The following SMAD4 variants were observed in gnomAD, a reference collection of about 807,000 sequenced individuals.
The protein encoded by SMAD4 is MAD homolog 4.
A neutral mutation model predicts 63.2 loss-of-function variants in SMAD4; 7 were observed. The observed-to-expected ratio is 0.11, with a 90% CI of 0.06 to 0.21. SMAD4 has a LOEUF of 0.21. SMAD4 is among the 10% of genes least tolerant of loss of function. SMAD4 has a pLI of 1.00. For synonymous variants in SMAD4, 215 were observed against 235.4 expected (o/e 0.91, Z 0.79); for missense variants, 312 against 693.8 (o/e 0.45, Z 6.18).
At chr18:51,073,208 G>C (rs1274752053) in intron 10 of SMAD4, among the ~76,000 whole-genome samples, 1 of 151,380 alleles carries the variant, frequency 6.6e-6, no homozygotes, top group Non-Finnish European at 1.5e-5. Flanking sequence ...TCCTAATTGC[G>C]ATTATTTACA....
rs375185293 is a variant in SMAD4, at chr18:51,059,871, G to A, written c.910G>A (p.Val304Ile). ...MPPHPGHYWP[V>I]HNELAFQPPI... ...TTTTGTTGTCTTTTCTTTAGGGCCT[G>A]TTCACAATGAGCTTGCATTCCAGCC... is the stretch of plus-strand genomic sequence containing the variant. Residue 304 changes from valine (V) to isoleucine (I), a missense_variant, in exon 8 of 12, where the codon GTT (valine) becomes ATT (isoleucine). By Grantham distance (29) the Val-to-Ile change is conservative (BLOSUM62 3). Coordinates refer to ENST00000342988, the MANE Select transcript of SMAD4 (RefSeq NM_005359.6). The A allele has an allele frequency of 6.2e-7, 1 of 1,612,826 alleles. No homozygotes were observed. Among genetic ancestry groups the A allele is most frequent in the Non-Finnish European group, 8.5e-7 (1 of 1,178,980 alleles).
intron 10 of SMAD4, among the ~76,000 whole-genome samples, chr18:51,075,933 T>A (rs1910459752): frequency 6.6e-6 from 1 of 152,318 alleles, no homozygotes; most frequent in East Asian, 1.9e-4. Flanking sequence ...TTAGCAGGTA[T>A]CGGTGATGGG....
Position 51,081,827 on chromosome 18 carries a change from G to A in SMAD4, c.*3360G>A, listed in dbSNP as rs540445660. ...GGTATCTTTGACTATGGTCATCTGG[G>A]GAAGGAAAATTTTACATTTTACTAT... On this transcript the variant is annotated 3_prime_UTR_variant, in exon 12 of 12. Coordinates refer to ENST00000342988, the MANE Select transcript of SMAD4 (RefSeq NM_005359.6). 1 of 232,338 alleles carries A rather than the reference G, an allele frequency of 4.3e-6. No homozygotes were observed. Among genetic ancestry groups the A allele is most frequent in the South Asian group, 1.8e-4 (1 of 5,514 alleles). The allele number at this position is 232,338 out of a possible 1,614,324, so 14.4% of individuals were successfully genotyped here. A position where few individuals can be genotyped will look rare whatever the true frequency, so the allele number is the denominator to read the frequency against.
At chr18:51,055,697 CT>C (rs1194716586) in intron 5 of SMAD4, among the ~76,000 whole-genome samples, 6 of 149,294 alleles carry the variant, frequency 4.0e-5, no homozygotes, top group South Asian at 2.1e-4. Flanking sequence ...AATGAAGTAG[CT>C]TTTTTTTCAT....
intron 3 of SMAD4, 71 bp from the exon 4 acceptor site, chr18:51,049,224 T>A: frequency 8.6e-7 from 1 of 1,168,996 alleles, no homozygotes; most frequent in South Asian, 1.3e-5. Context: ...TTACATTCTC[T>A]GTTTTTAAAT....
At chr18:51,059,079 G>T (rs907435857) in intron 7 of SMAD4, among the ~76,000 whole-genome samples, 4 of 152,064 alleles carry the variant, frequency 2.6e-5, no homozygotes, top group Non-Finnish European at 5.9e-5. Flanking sequence ...CCTGAATCCT[G>T]CTACTCAAAA....
At chr18:51,039,863 T>A (rs778592911) in intron 1 of SMAD4, among the ~76,000 whole-genome samples, 1 of 152,166 alleles carries the variant, frequency 6.6e-6, no homozygotes, top group Non-Finnish European at 1.5e-5. Flanking sequence ...CATCTCGATT[T>A]GTCCTTTGTC....
At chr18:51,065,695 A>G (rs976933050) in intron 9 of SMAD4, 89 bp downstream of exon 9, 6 of 1,010,484 alleles carry the variant, frequency 5.9e-6, no homozygotes, top group African/African-American at 4.9e-5. Flanking sequence ...CATGTACATT[A>G]TATGTGTTCT....
intron 11 of SMAD4, 78 bp from the exon 12 acceptor site, chr18:51,078,178 C>G (rs1183452530): frequency 8.3e-7 from 1 of 1,207,324 alleles, no homozygotes; most frequent in Non-Finnish European, 1.2e-6. Flanking sequence ...AAGCTGGTCA[C>G]TTGATTAATT....
At chr18:51,052,838 T>G (rs1909745450) in intron 4 of SMAD4, 1 of 158,638 alleles carries the variant, frequency 6.3e-6, no homozygotes, top group Admixed American at 6.3e-5. Context: ...TGGACCTTGG[T>G]TTTTTACTTA....
chr18:51,069,555 G>A (rs1051765341), intron 10 of SMAD4, among the ~76,000 whole-genome samples: 3 of 152,104 alleles, frequency 2.0e-5, no homozygotes, highest in African/African-American at 7.2e-5. Flanking sequence ...ACCCTATGTG[G>A]CAATTTTGCC....
chr18:51,071,948 C>T (rs1165465789), intron 10 of SMAD4, among the ~76,000 whole-genome samples: 1 of 152,184 alleles, frequency 6.6e-6, no homozygotes. Context: ...CATACCAATT[C>T]TTCACTCCTT....
chr18:51,081,198 A>G lies in SMAD4; in HGVS notation c.*2731A>G, dbSNP rs747938644. 1.3e-5 allele frequency: 3 copies of G among 223,484 alleles called. No homozygotes were observed. The highest frequency in any genetic ancestry group is 2.7e-5 in the Non-Finnish European group (3 of 112,188). The allele number at this position is 223,484 out of a possible 1,614,324, so 13.8% of individuals were successfully genotyped here. On this transcript the variant is annotated 3_prime_UTR_variant, in exon 12 of 12. Transcript: ENST00000342988. The stretch of plus-strand genomic sequence containing the variant: ...ACTTTAAGGGTAAAATTATGAGGTT[A>G]TGGTTCTGGGTGGGTTTTCTCTAGC...
In SMAD4 at chr18:51,082,393, A is replaced by G. The variant is rs1910631371; in HGVS notation, c.*3926A>G. On this transcript the variant is annotated 3_prime_UTR_variant, in exon 12 of 12. Transcript: ENST00000342988. ...TTGAACATACCAAGAAGTATGTAAAAAGTCCATGGCCTTATTCATCCACAA... is the reference window on the plus strand; with the variant it reads ...TTGAACATACCAAGAAGTATGTAAAGAGTCCATGGCCTTATTCATCCACAA... 8.8e-6 allele frequency: 2 copies of G among 228,492 alleles called. No homozygotes were observed. Among genetic ancestry groups the G allele is most frequent in the Non-Finnish European group, 1.7e-5 (2 of 115,240 alleles). 14.2% of individuals were successfully genotyped at this position (228,492 alleles called of 1,614,324 possible). A position where few individuals can be genotyped will look rare whatever the true frequency, so the allele number is the denominator to read the frequency against.
intron 2 of SMAD4, among the ~76,000 whole-genome samples, chr18:51,048,088 G>A (rs371917423): frequency 7.9e-5 from 12 of 152,250 alleles, no homozygotes; most frequent in African/African-American, 2.6e-4. Context: ...AAATTTTGTC[G>A]TAGATTTTAA....
chr18:51,032,445 T>A (rs533207171), intron 1 of SMAD4, among the ~76,000 whole-genome samples: 1 of 152,232 alleles, frequency 6.6e-6, no homozygotes, highest in Admixed American at 6.5e-5. Context: ...ACATGAATGA[T>A]TGATCTTTTA....
chr18:51,073,388 T>TATATATATATATATATACAC (rs1417299090), intron 10 of SMAD4, among the ~76,000 whole-genome samples: 3 of 64,160 alleles, frequency 4.7e-5, no homozygotes, highest in African/African-American at 1.5e-4. Flanking sequence ...TATATATATA[T>TATATATATATATATATACAC]ACACACACAC....
At chr18:51,042,878 AT>A in intron 1 of SMAD4, among the ~76,000 whole-genome samples, 1 of 152,284 alleles carries the variant, frequency 6.6e-6, no homozygotes, top group South Asian at 2.1e-4. Flanking sequence ...ATTTGGGAAA[AT>A]CCATGTTACT....
intron 5 of SMAD4, among the ~76,000 whole-genome samples, chr18:51,057,856 G>A (rs191391775): frequency 1.3e-5 from 2 of 152,262 alleles, no homozygotes; most frequent in Admixed American, 6.5e-5. Flanking sequence ...GTGGTGTTTT[G>A]CTGGCATTTG....
Sources: allele counts gnomAD v4.1 joint callset (sites outside exome capture counted in the v4.1 genomes callset), GRCh38; gene constraint gnomAD v4.1.1; transcripts MANE v1.5; gene names NCBI Gene and HGNC (gene_info 2026-07-23, HGNC 2026-07-21).